The following MPHOSPH8 variants were observed in gnomAD, a reference collection of about 807,000 sequenced individuals.
MPHOSPH8 encodes the protein M-phase phosphoprotein 8.
A neutral mutation model predicts 87.3 loss-of-function variants in MPHOSPH8; 45 were observed. That is an observed-to-expected ratio of 0.52 (90% CI 0.41 to 0.66). The LOEUF is 0.66. Among genes scored for constraint, MPHOSPH8 ranks in the 30% least tolerant of loss-of-function variants. MPHOSPH8 has a pLI of 0.00. For missense variants in MPHOSPH8, 883 were observed against 1,020.2 expected, an observed-to-expected ratio of 0.87 and a Z score of 1.83; for synonymous variants, 366 against 376.9, an observed-to-expected ratio of 0.97 and a Z score of 0.33.
At chr13:19,655,583 C>G (rs1875115591) in intron 5 of MPHOSPH8, among the ~76,000 whole-genome samples, 1 of 152,100 alleles carries the variant, frequency 6.6e-6, no homozygotes, top group Non-Finnish European at 1.5e-5. Flanking sequence ...TGGGTTTCAC[C>G]ATGTTTCCCA....
chr13:19,672,139 A>C lies in MPHOSPH8; in HGVS notation c.*264A>C. On this transcript the variant is annotated 3_prime_UTR_variant, in exon 14 of 14. Transcript: ENST00000361479. ...ATATGAGGATTATTTAAGAAAATTA[A>C]AGACTTCACTTTCTTTTTTCTGGAG... 1 of 416,052 alleles carries C rather than the reference A, an allele frequency of 2.4e-6. No individual in the cohort carries two copies. Among genetic ancestry groups the C allele is most frequent in the Non-Finnish European group, 4.3e-6 (1 of 232,750 alleles). The allele number at this position is 416,052 out of a possible 1,614,324, so 25.8% of individuals were successfully genotyped here.
At chr13:19,648,634 C>G (rs1874693642) in intron 4 of MPHOSPH8, 113 bp downstream of exon 4, 2 of 376,078 alleles carry the variant, frequency 5.3e-6, no homozygotes, top group East Asian at 1.0e-4. Context: ...TTATTTTCAC[C>G]TTGTTTTTCC....
chr13:19,672,283 T>TA lies in MPHOSPH8; in HGVS notation c.*409dup, dbSNP rs1416707165. On this transcript the variant is annotated 3_prime_UTR_variant, in exon 14 of 14. Transcript: ENST00000361479. ...CCTCAGCCTCCTGAGTAGCTGGGATTACAGACACCCGCCATGGCACCCAGC... is the reference window on the plus strand; with the variant it reads ...CCTCAGCCTCCTGAGTAGCTGGGATTAACAGACACCCGCCATGGCACCCAGC... 4 of 167,472 alleles carry TA rather than the reference T, an allele frequency of 2.4e-5. No homozygotes were observed. The highest frequency in any genetic ancestry group is 9.5e-5 in the African/African-American group (4 of 42,044). The allele number at this position is 167,472 out of a possible 1,614,324, so 10.4% of individuals were successfully genotyped here. A position where few individuals can be genotyped will look rare whatever the true frequency, so the allele number is the denominator to read the frequency against.
intron 2 of MPHOSPH8, among the ~76,000 whole-genome samples, chr13:19,642,946 C>T (rs888170217): frequency 2.6e-5 from 4 of 152,176 alleles, no homozygotes; most frequent in African/African-American, 4.8e-5. Context: ...AACTACCATA[C>T]ACTGGGTCAG....
At chr13:19,659,442 T>C (rs1053185033) in intron 7 of MPHOSPH8, among the ~76,000 whole-genome samples, 153 bp downstream of exon 7, 1 of 152,150 alleles carries the variant, frequency 6.6e-6, no homozygotes. Flanking sequence ...GGCAGGAGGA[T>C]TGCTTGAGCC....
At chr13:19,668,624 T>G in intron 11 of MPHOSPH8, 93 bp downstream of exon 11, 1 of 1,335,576 alleles carries the variant, frequency 7.5e-7, no homozygotes, top group Non-Finnish European at 1.0e-6. Flanking sequence ...AACAAAACTT[T>G]AAGGAAATTC....
intron 5 of MPHOSPH8, among the ~76,000 whole-genome samples, chr13:19,655,392 C>T (rs745317956): frequency 1.3e-5 from 2 of 152,040 alleles, no homozygotes; most frequent in Admixed American, 1.3e-4. Flanking sequence ...CACTTGAGCC[C>T]GGAAGTTCGA....
chr13:19,673,190 G>A lies in MPHOSPH8; in HGVS notation c.*1315G>A. The A allele has an allele frequency of 2.2e-6, 1 of 445,668 alleles. No individual in the cohort carries two copies. The highest frequency in any genetic ancestry group is 7.0e-5 in the East Asian group (1 of 14,330). The allele number at this position is 445,668 out of a possible 1,614,324, so 27.6% of individuals were successfully genotyped here. A position where few individuals can be genotyped will look rare whatever the true frequency, so the allele number is the denominator to read the frequency against. ...AGGTAACAGCCAAACCTGGCTGTCA[G>A]CTGTGTGGGAGCCACCACCCTCTCT... On this transcript the variant is annotated 3_prime_UTR_variant, in exon 14 of 14. Transcript: ENST00000361479.
rs376429687 is a variant in MPHOSPH8, at chr13:19,659,840, G to A, written c.1791+551G>A. The stretch of plus-strand genomic sequence containing the variant: ...TTTACCCTCTGCCACTCTTGAGAGC[G>A]TAGAGTGAGACCATTTTCCTGTGGT... On this transcript the variant is annotated intron_variant, in intron 7 of 13. Coordinates refer to ENST00000361479, the MANE Select transcript of MPHOSPH8 (RefSeq NM_017520.4). Among the ~76,000 whole-genome samples the A allele has an allele frequency of 2.2e-3, 334 of 151,986 alleles. 11 individuals carry two copies. The South Asian group carries it at 0.052, about 24-fold the overall frequency.
intron 5 of MPHOSPH8, among the ~76,000 whole-genome samples, chr13:19,655,472 A>ACACCAC (rs368185684): frequency 4.0e-5 from 6 of 151,838 alleles, no homozygotes; most frequent in South Asian, 4.2e-4. Flanking sequence ...TGTCTCAAAA[A>ACACCAC]CACCACCACC....
intron 7 of MPHOSPH8, among the ~76,000 whole-genome samples, chr13:19,661,404 C>G (rs2137534500): frequency 6.6e-6 from 1 of 152,266 alleles, no homozygotes; most frequent in African/African-American, 2.4e-5. Flanking sequence ...TACCACAAAC[C>G]TTCCCTTTGT....
At chr13:19,669,939 C>G (rs998473500) in intron 11 of MPHOSPH8, among the ~76,000 whole-genome samples, 3 of 152,226 alleles carry the variant, frequency 2.0e-5, no homozygotes, top group African/African-American at 7.2e-5. Context: ...TGTGCACATT[C>G]AGCAGCAGTG....
Position 19,644,946 on chromosome 13 carries a change from A to G in MPHOSPH8, c.370-1497A>G, listed in dbSNP as rs183598211. On this transcript the variant is annotated intron_variant, in intron 2 of 13. Coordinates refer to ENST00000361479, the MANE Select transcript of MPHOSPH8 (RefSeq NM_017520.4). ...TTTTTGGTATGCTTTTATTGCTTTT[A>G]GGATAGTCAACCTGGCTAATTAAAA... Among the ~76,000 whole-genome samples the G allele has an allele frequency of 1.5e-3, 230 of 152,200 alleles. 4 individuals are homozygous for G. The East Asian group carries it at 0.044, about 29-fold the overall frequency.
chr13:19,670,874 A>C, intron 12 of MPHOSPH8: 1 of 1,082,726 alleles, frequency 9.2e-7, no homozygotes, highest in Non-Finnish European at 1.3e-6. Flanking sequence ...GCTGGAGTGC[A>C]GTGGCGCGGA....
intron 2 of MPHOSPH8, 89 bp downstream of exon 2, chr13:19,642,359 A>G (rs2137503363): frequency 9.0e-7 from 1 of 1,116,398 alleles, no homozygotes; most frequent in South Asian, 1.9e-5. Flanking sequence ...ATGATTTACA[A>G]ATAACAAAGT....
chr13:19,636,285 T>G (rs576792768), intron 1 of MPHOSPH8, among the ~76,000 whole-genome samples: 1 of 152,348 alleles, frequency 6.6e-6, no homozygotes, highest in Admixed American at 6.5e-5. Flanking sequence ...TAGTCTAGTC[T>G]ATAGTCTATA....
chr13:19,649,894 T>C, intron 4 of MPHOSPH8, 109 bp from the exon 5 acceptor site: 1 of 1,031,894 alleles, frequency 9.7e-7, no homozygotes, highest in Non-Finnish European at 1.4e-6. Context: ...TAGATGTTAG[T>C]AAAAATTAAG....
chr13:19,667,086 C>T (rs1217399370), intron 10 of MPHOSPH8, among the ~76,000 whole-genome samples: 1 of 152,078 alleles, frequency 6.6e-6, no homozygotes, highest in Non-Finnish European at 1.5e-5. Context: ...CGCTTGAACC[C>T]GGGAGGCGGA....
chr13:19,660,986 G>C, intron 7 of MPHOSPH8: 2 of 981,844 alleles, frequency 2.0e-6, no homozygotes, highest in African/African-American at 3.5e-5. Context: ...AGAGCTGGGC[G>C]TGGTGGCATG....
Sources: gnomAD v4.1 joint callset for allele counts (sites outside exome capture counted in the v4.1 genomes callset) on GRCh38, gnomAD v4.1.1 for gene constraint, MANE v1.5 for transcripts, NCBI Gene and HGNC (gene_info 2026-07-23, HGNC 2026-07-21) for gene names.